The following SPHK1 variants were observed in gnomAD, a reference collection of about 807,000 sequenced individuals.
The protein encoded by SPHK1 is SK 1.
A neutral mutation model predicts 14.6 loss-of-function variants in SPHK1; 10 were observed. That is an observed-to-expected ratio of 0.68 (90% CI 0.42 to 1.16). The LOEUF (loss-of-function observed/expected upper bound fraction) is 1.16, where lower values mean the gene tolerates loss of function less well. SPHK1 is among the 50% of genes most tolerant of loss of function. SPHK1 has a pLI of 0.00. For synonymous variants in SPHK1, 274 were observed against 224.0 expected, an observed-to-expected ratio of 1.22 and a Z score of -1.99; for missense variants, 553 against 525.4, an observed-to-expected ratio of 1.05 and a Z score of -0.51.
rs2071990788 is a variant in SPHK1, at chr17:76,386,727, G to A, written c.375-79G>A. 6.8e-7 allele frequency: 1 copy of A among 1,463,952 alleles called. No homozygotes were observed. The highest frequency in any genetic ancestry group is 9.1e-7 in the Non-Finnish European group (1 of 1,094,314). 90.7% of individuals were successfully genotyped at this position (1,463,952 alleles called of 1,614,324 possible). On this transcript the variant is annotated intron_variant, in intron 5 of 5. Coordinates refer to ENST00000592299, the MANE Select transcript of SPHK1 (RefSeq NM_001142601.2). This position sits in a 1 kb window ranked among gnomAD's most constrained non-coding sequence, Gnocchi z 5.3. The stretch of plus-strand genomic sequence containing the variant: ...CCAGGGACCACATGGCGCTTTGCCA[G>A]CTCCCACTCCCCGGGAGGAGGAAGC...
In SPHK1 at chr17:76,385,970, G is replaced by A. The variant is rs2071971301; in HGVS notation, c.11-15G>A. The A allele has an allele frequency of 1.3e-6, 2 of 1,591,438 alleles. No homozygotes were observed. Among genetic ancestry groups the A allele is most frequent in the Admixed American group, 1.8e-5 (1 of 56,922 alleles). ...GTCGGTTGCGGACGTGGCCTCTTTG[G>A]TTTTGTTTTCTCAGCGGGCGGCCCC... On this transcript the variant is annotated splice_polypyrimidine_tract_variant and intron_variant, in intron 2 of 5. Transcript: ENST00000592299. The surrounding 1 kb of genome is among the most constrained non-coding windows in gnomAD (Gnocchi z 5.3).
In SPHK1 at chr17:76,386,260, A is replaced by G; in HGVS notation, c.203A>G (p.Glu68Gly). 6.3e-7 allele frequency: 1 copy of G among 1,596,108 alleles called. No homozygotes were observed. Residue 68 changes from glutamate (E) to glycine (G), a missense_variant, in exon 4 of 6, where the codon GAG becomes GGG. Coordinates refer to ENST00000592299, the MANE Select transcript of SPHK1 (RefSeq NM_001142601.2). The surrounding 1 kb of genome is among the most constrained non-coding windows in gnomAD (Gnocchi z 5.3). The part of the protein sequence containing the change: ...NHARELVRSE[E>G]LGRWDALVVM... ...GCGCGGGAGCTGGTGCGGTCGGAGG[A>G]GCTGGGCCGCTGGGACGCTCTGGTG...
Position 76,386,092 on chromosome 17 carries a change from C to T in SPHK1, c.118C>T (p.Pro40Ser). 1 of 1,603,260 alleles carries T rather than the reference C, an allele frequency of 6.2e-7. No individual in the cohort carries two copies. Among genetic ancestry groups the T allele is most frequent in the South Asian group, 1.1e-5 (1 of 90,890 alleles). The change falls in exon 3 of 6, where the codon CCC (proline) becomes TCC (serine). Residue 40 changes from proline to serine, a missense_variant. Coordinates refer to ENST00000592299, the MANE Select transcript of SPHK1 (RefSeq NM_001142601.2). This position sits in a 1 kb window ranked among gnomAD's most constrained non-coding sequence, Gnocchi z 5.3. ...ALQLFRSHVQ[P>S]LLAEAEISFT... The stretch of plus-strand genomic sequence containing the variant: ...GCAGCTCTTCCGGAGTCACGTGCAG[C>T]CCCTTTTGGCTGAGGCTGAAATCTC...
Position 76,386,590 on chromosome 17 carries a change from G to A in SPHK1, c.374+82G>A. ...GGTTTTCTTGTCTAAGCTCCCATAG[G>A]CTGAGATCATTTCCATTTCCCCTTC... is the stretch of plus-strand genomic sequence containing the variant. On this transcript the variant is annotated intron_variant, in intron 5 of 5. Transcript: ENST00000592299. The surrounding 1 kb of genome is among the most constrained non-coding windows in gnomAD (Gnocchi z 5.3). 1 of 1,363,080 alleles carries A rather than the reference G, an allele frequency of 7.3e-7. No homozygotes were observed. The highest frequency in any genetic ancestry group is 1.0e-6 in the Non-Finnish European group (1 of 996,134). The allele number at this position is 1,363,080 out of a possible 1,614,324, so 84.4% of individuals were successfully genotyped here.
rs1040815801 is a variant in SPHK1, at chr17:76,386,258, G to A, written c.201G>A (p.Glu67=). Residue 67 remains glutamate (E), a synonymous_variant, in exon 4 of 6, where the codon GAG becomes GAA. Coordinates refer to ENST00000592299, the MANE Select transcript of SPHK1 (RefSeq NM_001142601.2). The surrounding 1 kb of genome is among the most constrained non-coding windows in gnomAD (Gnocchi z 5.3). ...ACGCGCGGGAGCTGGTGCGGTCGGA[G>A]GAGCTGGGCCGCTGGGACGCTCTGG... ...RNHARELVRS[E]ELGRWDALVV... 17 of 1,596,260 alleles carry A rather than the reference G, an allele frequency of 1.1e-5. No individual in the cohort carries two copies. The highest frequency in any genetic ancestry group is 1.7e-5 in the Admixed American group (1 of 58,632).
upstream of SPHK1, chr17:76,384,544 G>A (rs977814122): frequency 2.0e-5 from 3 of 151,300 alleles, no homozygotes; most frequent in Admixed American, 6.6e-5. Flanking sequence ...CAGAGGCCGA[G>A]GCCGCGCCGG....
chr17:76,385,187 C>G lies in SPHK1; in HGVS notation c.-194-264C>G. The G allele has an allele frequency of 6.4e-7, 1 of 1,574,468 alleles. No individual in the cohort carries two copies. The highest frequency in any genetic ancestry group is 8.6e-7 in the Non-Finnish European group (1 of 1,161,212). On this transcript the variant is annotated intron_variant, in intron 1 of 5. Transcript: ENST00000592299. The surrounding 1 kb of genome is among the most constrained non-coding windows in gnomAD (Gnocchi z 5.3). The stretch of plus-strand genomic sequence containing the variant: ...CCCGAGGGGTGAGGAGCTAGTCCGT[C>G]GGAGGGAGCCACGGGGCTCTGACTC...
rs1235240062 is a variant in SPHK1 at position 76,386,019 on chromosome 17, C to A, written c.45C>A (p.Cys15Ter). Reference sequence around the variant, plus strand: ...CCCGGGGCGTGCTCCCGCGGCCCTGCCGCGTGCTGGTGCTGCTGAACCCGC... The same window carrying A: ...CCCGGGGCGTGCTCCCGCGGCCCTGACGCGTGCTGGTGCTGCTGAACCCGC... The part of the protein sequence containing the change: ...GGPRGVLPRP[C>*]RVLVLLNPRG... Residue 15 changes from cysteine (C) to a stop codon, truncating the protein, a stop_gained, in exon 3 of 6, where the codon TGC (cysteine) becomes TGA (stop). Transcript: ENST00000592299. LOFTEE classifies it high-confidence loss of function. The surrounding 1 kb of genome is among the most constrained non-coding windows in gnomAD (Gnocchi z 5.3). 2 of 1,605,016 alleles carry A rather than the reference C, an allele frequency of 1.2e-6. No individual in the cohort carries two copies. Among genetic ancestry groups the A allele is most frequent in the Admixed American group, 3.4e-5 (2 of 59,416 alleles).
rs2071930084 is a variant in SPHK1, at chr17:76,384,706, C to G, written c.-295C>G. The G allele has an allele frequency of 6.1e-6, 1 of 162,876 alleles. No homozygotes were observed. The highest frequency in any genetic ancestry group is 2.0e-4 in the South Asian group (1 of 5,044). The allele number at this position is 162,876 out of a possible 1,614,324, so 10.1% of individuals were successfully genotyped here. A position where few individuals can be genotyped will look rare whatever the true frequency, so the allele number is the denominator to read the frequency against. On this transcript the variant is annotated 5_prime_UTR_variant, in exon 1 of 6. Coordinates refer to ENST00000592299, the MANE Select transcript of SPHK1 (RefSeq NM_001142601.2). ...GGGAGTCCGCTCCAGCGGGGCGCTC[C>G]AGTCCCTCAGACGTGGGCTGAGCTT...
rs1026303142 is a variant in SPHK1 at position 76,385,893 on chromosome 17, G to T, written c.11-92G>T. On this transcript the variant is annotated intron_variant, in intron 2 of 5. Transcript: ENST00000592299. The surrounding 1 kb of genome is among the most constrained non-coding windows in gnomAD (Gnocchi z 5.3). The stretch of plus-strand genomic sequence containing the variant: ...CCAGGGTCAATTACCGGGGTGTTTC[G>T]GGCACCAAGTTCCCACACTAGTGCC... The T allele has an allele frequency of 6.7e-7, 1 of 1,498,430 alleles. No homozygotes were observed. The highest frequency in any genetic ancestry group is 8.9e-7 in the Non-Finnish European group (1 of 1,119,580). The allele number at this position is 1,498,430 out of a possible 1,614,324, so 92.8% of individuals were successfully genotyped here. A position where few individuals can be genotyped will look rare whatever the true frequency, so the allele number is the denominator to read the frequency against.
chr17:76,386,701 C>T lies in SPHK1; in HGVS notation c.375-105C>T. ...TGTCACCTACCAGTCCTGCCAACTC[C>T]CCAGGGACCACATGGCGCTTTGCCA... On this transcript the variant is annotated intron_variant, in intron 5 of 5. Transcript: ENST00000592299. The surrounding 1 kb of genome is among the most constrained non-coding windows in gnomAD (Gnocchi z 5.3). 2.2e-6 allele frequency: 3 copies of T among 1,372,764 alleles called. No homozygotes were observed. The highest frequency in any genetic ancestry group is 2.3e-5 in the East Asian group (1 of 43,304). 85.0% of individuals were successfully genotyped at this position (1,372,764 alleles called of 1,614,324 possible).
rs2071937807 is a variant in SPHK1 at position 76,385,051 on chromosome 17, A to G, written c.-195+245A>G. 5 of 1,535,574 alleles carry G rather than the reference A, an allele frequency of 3.3e-6. No homozygotes were observed. The African/African-American group carries it at 4.2e-5, about 13-fold the overall frequency. ...CGCTCTGGAGCTCCGGGCAGGGGACACGGCAACCTGGATGGCTGGGGCAGG... is the reference window on the plus strand; with the variant it reads ...CGCTCTGGAGCTCCGGGCAGGGGACGCGGCAACCTGGATGGCTGGGGCAGG... On this transcript the variant is annotated intron_variant, in intron 1 of 5. Transcript: ENST00000592299. The surrounding 1 kb of genome is among the most constrained non-coding windows in gnomAD (Gnocchi z 5.3).
At position 76,386,124 on chromosome 17, in the gene SPHK1, G is replaced by C. The variant is rs760798916; in HGVS notation, c.150G>C (p.Thr50=). 2 of 1,596,228 alleles carry C rather than the reference G, an allele frequency of 1.3e-6. No homozygotes were observed. Among genetic ancestry groups the C allele is most frequent in the East Asian group, 2.2e-5 (1 of 44,452 alleles). Reference sequence around the variant, plus strand: ...TGGCTGAGGCTGAAATCTCCTTCACGCTGATGCTCACTGGTGAGTACCTCT... The same window carrying C: ...TGGCTGAGGCTGAAATCTCCTTCACCCTGATGCTCACTGGTGAGTACCTCT... ...PLLAEAEISF[T]LMLTERRNHA... is the part of the protein sequence containing the mutation. Residue 50 remains threonine, a synonymous_variant, in exon 3 of 6, where the codon ACG becomes ACC. Coordinates refer to ENST00000592299, the MANE Select transcript of SPHK1 (RefSeq NM_001142601.2). The surrounding 1 kb of genome is among the most constrained non-coding windows in gnomAD (Gnocchi z 5.3).
chr17:76,386,922 TCTC>T lies in SPHK1; in HGVS notation c.492_494del (p.Ser165del). 1.2e-6 allele frequency: 2 copies of T among 1,613,240 alleles called. No individual in the cohort carries two copies. Among genetic ancestry groups the T allele is most frequent in the South Asian group, 1.1e-5 (1 of 91,062 alleles). On this transcript the variant is annotated inframe_deletion, in exon 6 of 6. Transcript: ENST00000592299. This position sits in a 1 kb window ranked among gnomAD's most constrained non-coding sequence, Gnocchi z 5.3. ...CACACGGCTTCGGGGCTGCGCCTCT[TCTC>T]TGTGCTCAGCCTGGCCTGGGGCTTC... is the stretch of plus-strand genomic sequence containing the variant.
At position 76,385,476 on chromosome 17, in the gene SPHK1, C is replaced by G; in HGVS notation, c.-169C>G. 3 of 1,559,360 alleles carry G rather than the reference C, an allele frequency of 1.9e-6. No homozygotes were observed. The highest frequency in any genetic ancestry group is 2.3e-5 in the East Asian group (1 of 42,728). ...GTCCAGCCGCCGCAGGGAATGACGC[C>G]GGTGCTCCTGCAGCCACGGCTCCGG... On this transcript the variant is annotated 5_prime_UTR_variant, in exon 2 of 6. Coordinates refer to ENST00000592299, the MANE Select transcript of SPHK1 (RefSeq NM_001142601.2). The surrounding 1 kb of genome is among the most constrained non-coding windows in gnomAD (Gnocchi z 5.3).
Position 76,386,750 on chromosome 17 carries a change from A to G in SPHK1, c.375-56A>G. 6.7e-7 allele frequency: 1 copy of G among 1,499,576 alleles called. No homozygotes were observed. The highest frequency in any genetic ancestry group is 8.9e-7 in the Non-Finnish European group (1 of 1,122,042). The allele number at this position is 1,499,576 out of a possible 1,614,324, so 92.9% of individuals were successfully genotyped here. On this transcript the variant is annotated intron_variant, in intron 5 of 5. Transcript: ENST00000592299. This position sits in a 1 kb window ranked among gnomAD's most constrained non-coding sequence, Gnocchi z 5.3. ...CAGCTCCCACTCCCCGGGAGGAGGA[A>G]GCGGGGGATACATGGGGGCTCCTGT...
chr17:76,386,064 C>G lies in SPHK1; in HGVS notation c.90C>G (p.Ala30=). ...LLNPRGGKGK[A]LQLFRSHVQP... ...ACCCGCGCGGCGGCAAGGGCAAGGCCTTGCAGCTCTTCCGGAGTCACGTGC... is the reference window on the plus strand; with the variant it reads ...ACCCGCGCGGCGGCAAGGGCAAGGCGTTGCAGCTCTTCCGGAGTCACGTGC... The change falls in exon 3 of 6, where the codon GCC becomes GCG. Residue 30 remains alanine (A), a synonymous_variant. Transcript: ENST00000592299. The surrounding 1 kb of genome is among the most constrained non-coding windows in gnomAD (Gnocchi z 5.3). 1 of 1,607,978 alleles carries G rather than the reference C, an allele frequency of 6.2e-7. No individual in the cohort carries two copies. Among genetic ancestry groups the G allele is most frequent in the East Asian group, 2.2e-5 (1 of 44,694 alleles).
Position 76,387,261 on chromosome 17 carries a change from T to G in SPHK1, c.830T>G (p.Met277Arg). The G allele has an allele frequency of 6.2e-7, 1 of 1,613,396 alleles. No individual in the cohort carries two copies. Among genetic ancestry groups the G allele is most frequent in the Non-Finnish European group, 8.5e-7 (1 of 1,179,928 alleles). ...GGCAGTGAGATGTTTGCTGCACCCA[T>G]GGGCCGCTGTGCAGCTGGCGTCATG... ...HLGSEMFAAP[M>R]GRCAAGVMHL... The change falls in exon 6 of 6, where the codon ATG becomes AGG. Residue 277 changes from methionine to arginine, a missense_variant. Coordinates refer to ENST00000592299, the MANE Select transcript of SPHK1 (RefSeq NM_001142601.2). This position sits in a 1 kb window ranked among gnomAD's most constrained non-coding sequence, Gnocchi z 4.1.
Position 76,386,592 on chromosome 17 carries a change from TGAG to T in SPHK1, c.374+85_374+87del. 1 of 1,346,736 alleles carries T rather than the reference TGAG, an allele frequency of 7.4e-7. No homozygotes were observed. 83.4% of individuals were successfully genotyped at this position (1,346,736 alleles called of 1,614,324 possible). A position where few individuals can be genotyped will look rare whatever the true frequency, so the allele number is the denominator to read the frequency against. ...TTTTCTTGTCTAAGCTCCCATAGGC[TGAG>T]ATCATTTCCATTTCCCCTTCTCCCT... On this transcript the variant is annotated intron_variant, in intron 5 of 5. Transcript: ENST00000592299. This position sits in a 1 kb window ranked among gnomAD's most constrained non-coding sequence, Gnocchi z 5.3.
Sources: gnomAD v4.1 joint callset for allele counts on GRCh38, gnomAD v4.1.1 for gene constraint, Gnocchi (gnomAD v3.1) non-coding constraint, MANE v1.5 for transcripts, NCBI Gene and HGNC (gene_info 2026-07-23, HGNC 2026-07-21) for gene names.